Variants in TRMT2B observed in about 807,000 individuals in gnomAD.
The protein encoded by TRMT2B is tRNA (uracil-5-)-methyltransferase homolog B.
A neutral mutation model predicts 39.7 loss-of-function variants in TRMT2B; 34 were observed. The observed-to-expected ratio is 0.86, with a 90% CI of 0.65 to 1.14. The LOEUF is 1.14. TRMT2B is among the 50% of genes most tolerant of loss of function. The pLI is 0.00. For synonymous variants in TRMT2B, 132 were observed against 137.3 expected (o/e 0.96, Z 0.27); for missense variants, 318 against 377.2 (o/e 0.84, Z 1.30).
chrX:100,992,718 A>C, the TRMT2B span, among the ~76,000 whole-genome samples: 1 of 112,064 alleles, frequency 8.9e-6, no homozygotes, highest in Admixed American at 9.5e-5. Flanking sequence ...TGCTTTATAT[A>C]TATAATTACC....
At chrX:100,980,224 GC>G in the TRMT2B span, among the ~76,000 whole-genome samples, 1 of 111,435 alleles carries the variant, frequency 9.0e-6, no homozygotes, top group Admixed American at 9.5e-5. Context: ...GTCTAGAAAT[GC>G]CACCAGGAGC....
intron 5 of TRMT2B, 102 bp downstream of exon 5, chrX:101,037,815 T>C: frequency 1.2e-6 from 1 of 831,812 alleles, no homozygotes; most frequent in Non-Finnish European, 1.7e-6. Context: ...GATAATAATT[T>C]AGCATAGGGC....
At chrX:101,029,253 T>C (rs746437160) in intron 7 of TRMT2B, among the ~76,000 whole-genome samples, 180 of 110,994 alleles carry the variant, frequency 1.6e-3, no homozygotes, top group Non-Finnish European at 2.6e-3. Flanking sequence ...TTCACTTCCT[T>C]TAAGTCCTTA....
At chrX:101,006,706 G>A (rs1275992902), downstream of TRMT2B, among the ~76,000 whole-genome samples, 3 of 109,633 alleles carry the variant, frequency 2.7e-5, no homozygotes, top group African/African-American at 1.0e-4. Context: ...GGGAGGCTGC[G>A]ATAGGAGGAT....
chrX:101,045,381 G>A (rs1466257571), intron 2 of TRMT2B, among the ~76,000 whole-genome samples: 1 of 103,937 alleles, frequency 9.6e-6, no homozygotes, highest in Non-Finnish European at 2.0e-5. Context: ...TTGAACTCAG[G>A]AGGCGGAGGT....
At chrX:101,049,661 C>T (rs959175291) in intron 2 of TRMT2B, among the ~76,000 whole-genome samples, 2 of 108,658 alleles carry the variant, frequency 1.8e-5, no homozygotes, top group Non-Finnish European at 3.8e-5. Context: ...GGTGTGGTGG[C>T]GCACGCCTAT....
the TRMT2B span, among the ~76,000 whole-genome samples, chrX:101,003,533 G>C: frequency 1.8e-5 from 2 of 110,641 alleles, no homozygotes; most frequent in Non-Finnish European, 3.8e-5. Context: ...ATTTTTAGTA[G>C]AGATAAGGTT....
At position 101,051,485 on chromosome X, in the gene TRMT2B, A is replaced by G; in HGVS notation, c.-258T>C. 1.3e-5 allele frequency: 10 copies of G among 754,624 alleles called. No homozygotes were observed. Among genetic ancestry groups the G allele is most frequent in the South Asian group, 6.7e-5 (1 of 14,884 alleles). 62.2% of individuals were successfully genotyped at this position (754,624 alleles called of 1,213,427 possible). Reference sequence around the variant, plus strand: ...TAGCCCTTCCATTCCCTTCTTCTTTAGGCAAGTTCTGCCCACTGTGTCTGT... The same window carrying G: ...TAGCCCTTCCATTCCCTTCTTCTTTGGGCAAGTTCTGCCCACTGTGTCTGT... On this transcript the variant is annotated 5_prime_UTR_variant, in exon 2 of 14. Coordinates refer to ENST00000372936, the MANE Select transcript of TRMT2B (RefSeq NM_024917.6).
the TRMT2B span, among the ~76,000 whole-genome samples, chrX:100,989,494 C>T: frequency 9.2e-6 from 1 of 109,129 alleles, no homozygotes; most frequent in Non-Finnish European, 1.9e-5. Flanking sequence ...CCTGTATTCC[C>T]AGCTACTGGG....
chrX:100,979,032 TCTG>T, the TRMT2B span, among the ~76,000 whole-genome samples: 1 of 111,768 alleles, frequency 8.9e-6, no homozygotes, highest in Admixed American at 9.5e-5. Context: ...CTTCATCCCC[TCTG>T]CTTTTTAACT....
chrX:101,001,659 AG>A, the TRMT2B span, among the ~76,000 whole-genome samples: 97 of 110,594 alleles, frequency 8.8e-4, no homozygotes, highest in Non-Finnish European at 1.0e-3. Flanking sequence ...CCAGAATCTA[AG>A]GAAGTACTCA....
intron 9 of TRMT2B, 89 bp downstream of exon 9, chrX:101,021,879 C>A (rs905188348): frequency 2.4e-5 from 16 of 675,011 alleles, no homozygotes; most frequent in Non-Finnish European, 3.9e-5. Context: ...TAGCCAATAT[C>A]CTCCACCATC....
the TRMT2B span, among the ~76,000 whole-genome samples, chrX:100,995,420 C>CT: frequency 3.6e-5 from 4 of 112,019 alleles, no homozygotes; most frequent in African/African-American, 1.3e-4. Context: ...GTGGCAGATG[C>CT]TTTCTGCTAT....
chrX:101,018,692 A>G lies in TRMT2B; in HGVS notation c.1388+279T>C, dbSNP rs192011997. 2.9e-4 allele frequency among the ~76,000 whole-genome samples: 32 copies of G among 111,047 alleles called. No homozygotes were observed. In the East Asian group the frequency reaches 8.0e-3, roughly 28 times the overall value. The stretch of plus-strand genomic sequence containing the variant: ...GGTCTTGAACTCCTGAGCTCAGGCA[A>G]TCCACCCACCTCGGCCTCCCAAAGT... On this transcript the variant is annotated intron_variant, in intron 13 of 13. Transcript: ENST00000372936.
intron 2 of TRMT2B, among the ~76,000 whole-genome samples, chrX:101,047,206 CG>C (rs112895961): frequency 1.2e-4 from 10 of 86,050 alleles, no homozygotes; most frequent in African/African-American, 4.3e-4. Context: ...GACCCTGTCT[CG>C]AAAAAAAAAA....
chrX:101,010,849 A>G (rs1182408888), intron 13 of TRMT2B, 142 bp from the exon 14 acceptor site: 11 of 543,605 alleles, frequency 2.0e-5, no homozygotes, highest in Non-Finnish European at 3.1e-5. Context: ...CTTATTTAAT[A>G]TAATCGTTTT....
chrX:100,974,356 A>G, the TRMT2B span, among the ~76,000 whole-genome samples: 1 of 100,984 alleles, frequency 9.9e-6, no homozygotes, highest in Non-Finnish European at 2.0e-5. Context: ...CACATACTCT[A>G]TCTCTCTCTG....
At chrX:101,027,931 CT>C (rs61380609) in intron 7 of TRMT2B, among the ~76,000 whole-genome samples, 9,245 of 107,210 alleles carry the variant, frequency 0.086, 368 homozygotes, top group Admixed American at 0.13. Flanking sequence ...ACACCTGGGG[CT>C]TTTTTTTTAT....
chrX:100,998,241 CAG>C, the TRMT2B span, among the ~76,000 whole-genome samples: 1 of 87,134 alleles, frequency 1.1e-5, no homozygotes, highest in Non-Finnish European at 2.1e-5. Context: ...GCCTGGGTGA[CAG>C]AGTGAGACTC....
Sources: allele counts gnomAD v4.1 joint callset (sites outside exome capture counted in the v4.1 genomes callset), GRCh38; gene constraint gnomAD v4.1.1; transcripts MANE v1.5; gene names NCBI Gene and HGNC (gene_info 2026-07-23, HGNC 2026-07-21).